Variants in EVC observed in about 807,000 individuals in gnomAD.
The protein encoded by EVC is evC complex member EVC.
Under a neutral mutation model 118.9 loss-of-function variants are expected in EVC, and 116 were observed. The observed-to-expected ratio is 0.98, with a 90% CI of 0.84 to 1.14. The LOEUF (loss-of-function observed/expected upper bound fraction) is 1.14, where lower values mean the gene tolerates loss of function less well. EVC is among the 50% of genes most tolerant of loss of function. EVC has a pLI of 0.00. For synonymous variants in EVC, 619 were observed against 534.7 expected (o/e 1.16, Z -2.18); for missense variants, 1,401 against 1,246.4 (o/e 1.12, Z -1.87).
chr4:5,718,344 G>T (rs187252552), intron 1 of EVC, among the ~76,000 whole-genome samples: 29 of 151,762 alleles, frequency 1.9e-4, no homozygotes, highest in Non-Finnish European at 3.5e-4. Context: ...ATTAACATTG[G>T]ACTCACAGAC....
intron 15 of EVC, among the ~76,000 whole-genome samples, chr4:5,800,786 G>A (rs1714824330): frequency 6.6e-6 from 1 of 152,186 alleles, no homozygotes; most frequent in African/African-American, 2.4e-5. Flanking sequence ...GGGCTCGGGA[G>A]TTAGAAGACC....
intron 8 of EVC, among the ~76,000 whole-genome samples, chr4:5,750,108 C>T (rs186466973): frequency 1.3e-5 from 2 of 152,268 alleles, no homozygotes; most frequent in Admixed American, 1.3e-4. Context: ...TTATTCACAG[C>T]ACGCAGATAA....
rs549771557 is a variant in EVC, at chr4:5,737,058, C to G, written c.702+3623C>G. Among the ~76,000 whole-genome samples the G allele has an allele frequency of 1.1e-4, 16 of 152,320 alleles. No individual in the cohort carries two copies. In the East Asian group the frequency reaches 3.1e-3, roughly 29 times the overall value. ...AAGTTCTTGAAGGAAATTAAAAGTG[C>G]TACGCCAGTGAACACACGAATGATC... On this transcript the variant is annotated intron_variant, in intron 5 of 20. Transcript: ENST00000264956. The surrounding 1 kb of genome is among the most constrained non-coding windows in gnomAD (Gnocchi z 5.0).
At chr4:5,823,166 C>A in the EVC span, among the ~76,000 whole-genome samples, 1 of 152,184 alleles carries the variant, frequency 6.6e-6, no homozygotes, top group Admixed American at 6.5e-5. Flanking sequence ...CACCCCACTC[C>A]CTTGGCCTCA....
chr4:5,787,223 C>T (rs879798727), intron 12 of EVC, among the ~76,000 whole-genome samples: 2 of 152,240 alleles, frequency 1.3e-5, no homozygotes, highest in African/African-American at 4.8e-5. Context: ...AGTCCCCTTG[C>T]GGTAGGCAGC....
Position 5,753,646 on chromosome 4 carries a change from G to C in EVC, c.1316-139G>C, listed in dbSNP as rs7660793. On this transcript the variant is annotated intron_variant, in intron 9 of 20. Coordinates refer to ENST00000264956, the MANE Select transcript of EVC (RefSeq NM_153717.3). Reference sequence around the variant, plus strand: ...GTGGGACCTACAGAAAAACCCAGGTGTGTCACCAGCAGGGCGGGCACCATC... The same window carrying C: ...GTGGGACCTACAGAAAAACCCAGGTCTGTCACCAGCAGGGCGGGCACCATC... 0.45 allele frequency: 489,254 copies of C among 1,089,618 alleles called. 112,934 individuals carry two copies. Among genetic ancestry groups the C allele is most frequent in the South Asian group, 0.58 (46,467 of 79,986 alleles). 67.5% of individuals were successfully genotyped at this position (1,089,618 alleles called of 1,614,324 possible). A position where few individuals can be genotyped will look rare whatever the true frequency, so the allele number is the denominator to read the frequency against.
At chr4:5,804,949 C>T in intron 17 of EVC, 108 bp downstream of exon 17, 1 of 979,062 alleles carries the variant, frequency 1.0e-6, no homozygotes, top group Non-Finnish European at 1.6e-6. Context: ...TGCCCGTGGA[C>T]TTGGGGGCCA....
chr4:5,816,066 C>A (rs1717626638), downstream of EVC, among the ~76,000 whole-genome samples: 1 of 152,124 alleles, frequency 6.6e-6, no homozygotes, highest in Non-Finnish European at 1.5e-5. Context: ...CCCAGGGGCT[C>A]ATTAAAAACA....
chr4:5,736,288 C>G (rs539098286), intron 5 of EVC, among the ~76,000 whole-genome samples: 22 of 152,216 alleles, frequency 1.4e-4, no homozygotes, highest in African/African-American at 5.1e-4. Context: ...ACTACACACA[C>G]ACACACACAC....
rs769269306 is a variant in EVC at position 5,741,699 on chromosome 4, T to C, written c.703-17T>C. 4.8e-6 allele frequency: 7 copies of C among 1,466,602 alleles called. No individual in the cohort carries two copies. In the South Asian group the frequency reaches 6.9e-5, roughly 14 times the overall value. 90.8% of individuals were successfully genotyped at this position (1,466,602 alleles called of 1,614,324 possible). ...GATTAAACTTTTCTTTTGTTATCTTTCCTTTCTTGGCAATAGATGTTTATT... is the reference window on the plus strand; with the variant it reads ...GATTAAACTTTTCTTTTGTTATCTTCCCTTTCTTGGCAATAGATGTTTATT... On this transcript the variant is annotated splice_polypyrimidine_tract_variant and intron_variant, in intron 5 of 20. Coordinates refer to ENST00000264956, the MANE Select transcript of EVC (RefSeq NM_153717.3).
At chr4:5,825,634 C>T in the EVC span, 1 of 1,611,198 alleles carries the variant, frequency 6.2e-7, no homozygotes, top group South Asian at 1.1e-5. This position sits in a 1 kb window ranked among gnomAD's most constrained non-coding sequence, Gnocchi z 4.4. Flanking sequence ...ATACATGCCC[C>T]TGGAAACCCC....
In EVC at chr4:5,742,347, T is replaced by C. The variant is rs1055871900; in HGVS notation, c.801+533T>C. Among the ~76,000 whole-genome samples, 2 of 152,140 alleles carry C rather than the reference T, an allele frequency of 1.3e-5. No individual in the cohort carries two copies. The highest frequency in any genetic ancestry group is 2.9e-5 in the Non-Finnish European group (2 of 68,032). On this transcript the variant is annotated intron_variant, in intron 6 of 20. Transcript: ENST00000264956. The surrounding 1 kb of genome is among the most constrained non-coding windows in gnomAD (Gnocchi z 5.2). The stretch of plus-strand genomic sequence containing the variant: ...ATAAGAGAGATGTGTATGATACACC[T>C]AGCAATGTCATAGTTGGCTGTGAAT...
chr4:5,766,842 G>A (rs1382369965), intron 11 of EVC, among the ~76,000 whole-genome samples: 5 of 151,048 alleles, frequency 3.3e-5, no homozygotes. Context: ...CTTTGCCTTT[G>A]GTTTGAATTT....
At position 5,741,712 on chromosome 4, in the gene EVC, A is replaced by G. The variant is rs1193682444; in HGVS notation, c.703-4A>G. 3 of 1,535,484 alleles carry G rather than the reference A, an allele frequency of 2.0e-6. No homozygotes were observed. Among genetic ancestry groups the G allele is most frequent in the African/African-American group, 1.4e-5 (1 of 73,440 alleles). ...TTTTGTTATCTTTCCTTTCTTGGCA[A>G]TAGATGTTTATTCAGATTTTTAAAA... On this transcript the variant is annotated splice_region_variant and splice_polypyrimidine_tract_variant and intron_variant, in intron 5 of 20. Coordinates refer to ENST00000264956, the MANE Select transcript of EVC (RefSeq NM_153717.3).
chr4:5,719,294 A>C lies in EVC; in HGVS notation c.221A>C (p.Gln74Pro), dbSNP rs2291157. ...NLLKNLESNA[Q>P]TPSETGSPSR... ...CTCAAGAATTTGGAGTCTAATGCGC[A>C]GACCCCCTCGGAAACTGGCTCCCCA... The change falls in exon 2 of 21, where the codon CAG (glutamine) becomes CCG (proline). Residue 74 changes from glutamine to proline, a missense_variant. Coordinates refer to ENST00000264956, the MANE Select transcript of EVC (RefSeq NM_153717.3). This position sits in a 1 kb window ranked among gnomAD's most constrained non-coding sequence, Gnocchi z 4.7. 0.092 allele frequency: 147,707 copies of C among 1,614,118 alleles called. 7,525 individuals are homozygous for C. Among genetic ancestry groups the C allele is most frequent in the Admixed American group, 0.16 (9,513 of 60,012 alleles).
At chr4:5,815,435 A>G (rs545509102), downstream of EVC, among the ~76,000 whole-genome samples, 1 of 152,224 alleles carries the variant, frequency 6.6e-6, no homozygotes, top group African/African-American at 2.4e-5. Flanking sequence ...AGTGAGGTCC[A>G]GGTGCTTCCA....
chr4:5,765,597 C>T (rs6816362), intron 11 of EVC, among the ~76,000 whole-genome samples: 103,898 of 119,434 alleles, frequency 0.87, 45,965 homozygotes, highest in African/African-American at 0.97. Context: ...CTGTATTGGG[C>T]GCATATATAT....
chr4:5,738,476 G>T lies in EVC; in HGVS notation c.703-3240G>T, dbSNP rs931184776. On this transcript the variant is annotated intron_variant, in intron 5 of 20. Transcript: ENST00000264956. The surrounding 1 kb of genome is among the most constrained non-coding windows in gnomAD (Gnocchi z 6.5). ...TTTGTGAAAGGAAGAGTCAGCTGAT[G>T]TGGCCCACTTCAGAGTGGTCTTATT... is the stretch of plus-strand genomic sequence containing the variant. Among the ~76,000 whole-genome samples the T allele has an allele frequency of 6.6e-6, 1 of 152,120 alleles. No individual in the cohort carries two copies. The highest frequency in any genetic ancestry group is 2.4e-5 in the African/African-American group (1 of 41,424).
Position 5,779,122 on chromosome 4 carries a change from C to G in EVC, c.1564-4430C>G, listed in dbSNP as rs1253474550. ...AATCCTTTCCCCATTGCTTGTTTTT[C>G]TCAGGTTTGTCAAAGATCAGATAGT... On this transcript the variant is annotated intron_variant, in intron 11 of 20. Transcript: ENST00000264956. Among the ~76,000 whole-genome samples, 50 of 151,928 alleles carry G rather than the reference C, an allele frequency of 3.3e-4. 1 individual carries two copies. The highest frequency in any genetic ancestry group is 1.2e-3 in the African/African-American group (48 of 41,408).
Sources: gnomAD v4.1 joint callset for allele counts (sites outside exome capture counted in the v4.1 genomes callset) on GRCh38, gnomAD v4.1.1 for gene constraint, Gnocchi (gnomAD v3.1) non-coding constraint, MANE v1.5 for transcripts, NCBI Gene and HGNC (gene_info 2026-07-23, HGNC 2026-07-21) for gene names.